The following FADS2 variants were observed in gnomAD, a reference collection of about 807,000 sequenced individuals.
FADS2 encodes fatty acid desaturase 2.
A neutral mutation model predicts 61.2 loss-of-function variants in FADS2; 18 were observed. That is an observed-to-expected ratio of 0.29 (90% CI 0.20 to 0.44). The LOEUF (loss-of-function observed/expected upper bound fraction) is 0.44. FADS2 is among the 20% of genes least tolerant of loss of function. The pLI is 1.00. For synonymous variants in FADS2, 203 were observed against 223.9 expected (o/e 0.91, Z 0.83); for missense variants, 322 against 572.7 (o/e 0.56, Z 4.47).
intron 4 of FADS2, among the ~76,000 whole-genome samples, chr11:61,845,153 C>T (rs769005892): frequency 6.6e-6 from 1 of 150,380 alleles, no homozygotes; most frequent in East Asian, 2.0e-4. Context: ...CTACACTCCC[C>T]CTTCCTCTCC....
At chr11:61,853,290 C>CCCTTCCTCCCTTCCTTCCTT (rs1565334572) in intron 5 of FADS2, among the ~76,000 whole-genome samples, 175 of 81,720 alleles carry the variant, frequency 2.1e-3, no homozygotes, top group Middle Eastern at 5.4e-3. Context: ...CTCCCTCCCT[C>CCCTTCCTCCCTTCCTTCCTT]CCTTCCTTCC....
rs745563292 is a variant in FADS2, at chr11:61,816,427, G to A, written c.141+1G>A. 1.9e-6 allele frequency: 3 copies of A among 1,598,768 alleles called. No homozygotes were observed. Among genetic ancestry groups the A allele is most frequent in the Non-Finnish European group, 2.5e-6 (3 of 1,179,804 alleles). ...AGGACACCCAATCACCGGGCAACAG[G>A]TATGATCAGGCGCCTCCGGGCTTTC... On this transcript the variant is annotated splice_donor_variant, in intron 1 of 11. Coordinates refer to the FADS2 transcript ENST00000257261. LOFTEE classifies it high-confidence loss of function. This position sits in a 1 kb window ranked among gnomAD's most constrained non-coding sequence, Gnocchi z 7.0.
At chr11:61,854,203 TGGA>T (rs1436705168) in intron 5 of FADS2, 3 of 152,274 alleles carry the variant, frequency 2.0e-5, no homozygotes, top group African/African-American at 7.2e-5. Context: ...GGGACTCCTC[TGGA>T]GGAGGAGATG....
Position 61,863,074 on chromosome 11 carries a change from C to T in FADS2, c.980+5C>T. ...CCTTTTCCTCAACTTCATCAGGTGC[C>T]TGGGCTTTGCTGATTCATCCCTGGG... On this transcript the variant is annotated splice_donor_5th_base_variant and intron_variant, in intron 8 of 11. Coordinates refer to ENST00000278840, the MANE Select transcript of FADS2 (RefSeq NM_004265.4). The T allele has an allele frequency of 6.2e-7, 1 of 1,611,340 alleles. No individual in the cohort carries two copies. The highest frequency in any genetic ancestry group is 8.5e-7 in the Non-Finnish European group (1 of 1,177,404).
At chr11:61,863,615 T>C in intron 9 of FADS2, 92 bp from the exon 10 acceptor site, 1 of 1,105,098 alleles carries the variant, frequency 9.0e-7, no homozygotes, top group Non-Finnish European at 1.4e-6. Context: ...ACGGGTGGCC[T>C]GGAGACCCTG....
At chr11:61,840,206 G>A (rs539315703) in intron 2 of FADS2, 128 bp from the exon 3 acceptor site, 11 of 756,688 alleles carry the variant, frequency 1.5e-5, no homozygotes, top group Non-Finnish European at 2.3e-6. Context: ...GTCGAGGCTT[G>A]TGGCTTGGCC....
At chr11:61,864,076 C>A in intron 10 of FADS2, 2 of 418,700 alleles carry the variant, frequency 4.8e-6, no homozygotes, top group Non-Finnish European at 8.7e-6. Context: ...AGCCTGCACA[C>A]GCACCTCATG....
chr11:61,825,769 T>C (rs865944541), upstream of FADS2, among the ~76,000 whole-genome samples: 98 of 151,910 alleles, frequency 6.5e-4, 2 homozygotes, highest in African/African-American at 2.0e-3. Flanking sequence ...GGCAGGCGCC[T>C]GTAGTCCCAG....
At chr11:61,845,120 T>C (rs911362169) in intron 4 of FADS2, among the ~76,000 whole-genome samples, 1 of 148,214 alleles carries the variant, frequency 6.7e-6, no homozygotes, top group Non-Finnish European at 1.5e-5. Context: ...ACCGAGGAGC[T>C]TTCCTCTGGC....
At chr11:61,856,239 G>A (rs2067357995) in intron 5 of FADS2, 1 of 152,184 alleles carries the variant, frequency 6.6e-6, no homozygotes, top group Non-Finnish European at 1.5e-5. Context: ...GCCTGGCATT[G>A]GACAATGACG....
Position 61,829,861 on chromosome 11 carries a change from G to A in FADS2, c.207+1264G>A, listed in dbSNP as rs113346205. Among the ~76,000 whole-genome samples, 196 of 152,270 alleles carry A rather than the reference G, an allele frequency of 1.3e-3. 1 individual carries two copies. The highest frequency in any genetic ancestry group is 4.4e-3 in the African/African-American group (184 of 41,558). ...TGCATCTCATGGAGACAGGCCTAGG[G>A]GAAGGCCAGACCAGGCCACCATAAC... On this transcript the variant is annotated intron_variant, in intron 1 of 11. Coordinates refer to ENST00000278840, the MANE Select transcript of FADS2 (RefSeq NM_004265.4).
At chr11:61,822,622 C>T (rs886111659) in intron 1 of FADS2, among the ~76,000 whole-genome samples, 7 of 152,242 alleles carry the variant, frequency 4.6e-5, no homozygotes, top group East Asian at 1.9e-4. Context: ...TCAGATTGCC[C>T]GGGGAATGGG....
Position 61,852,434 on chromosome 11 carries a change from TA to T in FADS2, c.744+4151del, listed in dbSNP as rs1163140683. Reference sequence around the variant, plus strand: ...CGCCACCATGCCCGGCTAATTCTTGTATTTTTAGTAGAGATGGGGTTTCACC... The same window carrying T: ...CGCCACCATGCCCGGCTAATTCTTGTTTTTTAGTAGAGATGGGGTTTCACC... On this transcript the variant is annotated intron_variant, in intron 5 of 11. Transcript: ENST00000278840. Among the ~76,000 whole-genome samples, 3 of 152,076 alleles carry T rather than the reference TA, an allele frequency of 2.0e-5. No homozygotes were observed. In the East Asian group the frequency reaches 5.8e-4, roughly 29 times the overall value.
chr11:61,838,720 T>C (rs567278552), intron 2 of FADS2, among the ~76,000 whole-genome samples: 5 of 151,354 alleles, frequency 3.3e-5, no homozygotes, highest in African/African-American at 4.9e-5. Context: ...CCAATGCCCC[T>C]CCTCTCACCT....
intron 5 of FADS2, chr11:61,856,750 C>A: frequency 2.0e-6 from 1 of 494,074 alleles, no homozygotes; most frequent in Non-Finnish European, 3.6e-6. Context: ...TCAGAAGTGC[C>A]GGCCTTGTAG....
rs368031408 is a variant in FADS2 at position 61,848,118 on chromosome 11, G to C, written c.619-41G>C. The C allele has an allele frequency of 1.4e-5, 23 of 1,613,464 alleles. No individual in the cohort carries two copies. In the African/African-American group the frequency reaches 2.8e-4, roughly 20 times the overall value. ...CTGTTACAAGCGAGCTCGGTTCCCT[G>C]GTGGCTTGCATGGCTCATCCCCACC... On this transcript the variant is annotated intron_variant, in intron 4 of 11. Transcript: ENST00000278840.
Position 61,857,479 on chromosome 11 carries a change from G to C in FADS2, c.831G>C (p.Met277Ile), listed in dbSNP as rs1270239102. The C allele has an allele frequency of 3.7e-6, 6 of 1,613,950 alleles. No individual in the cohort carries two copies. Among genetic ancestry groups the C allele is most frequent in the Non-Finnish European group, 5.1e-6 (6 of 1,179,998 alleles). The change falls in exon 7 of 12, where the codon ATG becomes ATC. Residue 277 changes from methionine (M) to isoleucine (I), a missense_variant. Physicochemically the swap from Met to Ile is conservative, Grantham distance 10. Transcript: ENST00000278840. ...TTGGGCCGCCGCTGCTCATCCCCAT[G>C]TATTTCCAGTACCAGATCATCATGA... is the stretch of plus-strand genomic sequence containing the variant. The part of the protein sequence containing the change: ...FLIGPPLLIP[M>I]YFQYQIIMTM...
intron 4 of FADS2, among the ~76,000 whole-genome samples, chr11:61,842,259 C>A (rs1274225162): frequency 6.6e-6 from 1 of 152,230 alleles, no homozygotes; most frequent in Non-Finnish European, 1.5e-5. Context: ...GAGCAGCTTG[C>A]CTGGCCCTGA....
intron 1 of FADS2, among the ~76,000 whole-genome samples, chr11:61,819,495 G>A (rs1054216889): frequency 2.6e-5 from 4 of 152,114 alleles, no homozygotes; most frequent in Admixed American, 6.5e-5. Context: ...GCAGTGAGCC[G>A]AGATTGTGCC....
Sources: gnomAD v4.1 joint callset for allele counts (sites outside exome capture counted in the v4.1 genomes callset) on GRCh38, gnomAD v4.1.1 for gene constraint, Gnocchi (gnomAD v3.1) non-coding constraint, MANE v1.5 for transcripts, NCBI Gene and HGNC (gene_info 2026-07-23, HGNC 2026-07-21) for gene names.